Variants in DIP2C observed in about 807,000 individuals in gnomAD.
The protein encoded by DIP2C is DIP2 acetate--CoA ligase C (putative).
A neutral mutation model predicts 192.4 loss-of-function variants in DIP2C; 33 were observed. The ratio of observed to expected loss-of-function variants is 0.17; its 90% CI spans 0.13 to 0.23. The LOEUF is 0.23. Ranked by LOEUF, DIP2C falls within the 10% of genes least tolerant of loss-of-function variation. The probability of loss-of-function intolerance (pLI) is 1.00; values close to 1 mark genes in which losing one functional copy is unlikely to be tolerated. For synonymous variants in DIP2C, 979 were observed against 864.1 expected (o/e 1.13, Z -2.33); for missense variants, 1,537 against 2,110.1 (o/e 0.73, Z 5.32).
chr10:277,215 C>G lies in DIP2C; in HGVS notation c.*110G>C. 6.7e-7 allele frequency: 1 copy of G among 1,500,836 alleles called. No individual in the cohort carries two copies. Among genetic ancestry groups the G allele is most frequent in the Non-Finnish European group, 9.0e-7 (1 of 1,116,210 alleles). The allele number at this position is 1,500,836 out of a possible 1,614,324, so 93.0% of individuals were successfully genotyped here. A position where few individuals can be genotyped will look rare whatever the true frequency, so the allele number is the denominator to read the frequency against. On this transcript the variant is annotated 3_prime_UTR_variant, in exon 37 of 37. Transcript: ENST00000280886. Reference sequence around the variant, plus strand: ...TCCTCCTCTTCCTCCTCCACTCTCACCACAAATGGCTGTATTCTGGTGAGT... The same window carrying G: ...TCCTCCTCTTCCTCCTCCACTCTCAGCACAAATGGCTGTATTCTGGTGAGT...
At chr10:416,474 C>A (rs558110520) in intron 6 of DIP2C, among the ~76,000 whole-genome samples, 2 of 152,144 alleles carry the variant, frequency 1.3e-5, no homozygotes, top group Non-Finnish European at 2.9e-5. Context: ...GCTCCTCACA[C>A]GCGTTCCAAA....
intron 1 of DIP2C, among the ~76,000 whole-genome samples, chr10:558,041 TAAG>T (rs557804211): frequency 1.2e-3 from 185 of 152,086 alleles, no homozygotes; most frequent in African/African-American, 3.4e-3. Context: ...ATAAAATGCT[TAAG>T]AAGAGTAAGC....
At chr10:588,289 C>CA (rs764477956) in intron 1 of DIP2C, among the ~76,000 whole-genome samples, 235 of 152,370 alleles carry the variant, frequency 1.5e-3, no homozygotes, top group Non-Finnish European at 2.5e-3. Flanking sequence ...CCCACATCCA[C>CA]ACCAGCCACA....
intron 13 of DIP2C, among the ~76,000 whole-genome samples, chr10:389,532 T>A (rs572986188): frequency 3.3e-5 from 5 of 152,198 alleles, no homozygotes; most frequent in African/African-American, 1.2e-4. Context: ...ACTAAAGATA[T>A]GCTCATGTGC....
At chr10:373,657 G>T (rs190073468) in intron 17 of DIP2C, among the ~76,000 whole-genome samples, 1 of 152,124 alleles carries the variant, frequency 6.6e-6, no homozygotes, top group Non-Finnish European at 1.5e-5. Context: ...AAAATCCCTC[G>T]TGGCTTGGAT....
intron 29 of DIP2C, among the ~76,000 whole-genome samples, chr10:337,130 C>CTG (rs138944577): frequency 0.78 from 64,251 of 82,830 alleles, 26,441 homozygotes; most frequent in Non-Finnish European, 0.85. Flanking sequence ...GCCTAGGCAG[C>CTG]TGTGTGTGTG....
intron 1 of DIP2C, among the ~76,000 whole-genome samples, chr10:597,656 C>A (rs984892394): frequency 3.9e-5 from 6 of 152,248 alleles, no homozygotes; most frequent in African/African-American, 1.4e-4. Flanking sequence ...TCATGATTTG[C>A]TCTTAATACG....
At chr10:646,312 C>T (rs891706478) in intron 1 of DIP2C, among the ~76,000 whole-genome samples, 1 of 152,082 alleles carries the variant, frequency 6.6e-6, no homozygotes, top group African/African-American at 2.4e-5. Context: ...TGTCCAGCCT[C>T]CCCCAGGCTC....
intron 2 of DIP2C, among the ~76,000 whole-genome samples, chr10:479,370 T>A (rs1843418501): frequency 6.7e-6 from 1 of 149,348 alleles, no homozygotes; most frequent in Admixed American, 6.7e-5. Context: ...AGTCTTGTTC[T>A]GTTGCCAGGC....
chr10:450,947 A>G (rs529952806), intron 3 of DIP2C, among the ~76,000 whole-genome samples: 2 of 152,282 alleles, frequency 1.3e-5, no homozygotes, highest in East Asian at 1.9e-4. Context: ...ACATGTATGT[A>G]TATGTCCATA....
intron 4 of DIP2C, chr10:430,580 GTTATCAT>G (rs1436841483): frequency 6.6e-6 from 1 of 152,178 alleles, no homozygotes; most frequent in African/African-American, 2.4e-5. Context: ...TCAAATAAAA[GTTATCAT>G]TTATGTCTTT....
At chr10:585,020 C>G (rs548710180) in intron 1 of DIP2C, among the ~76,000 whole-genome samples, 1 of 151,434 alleles carries the variant, frequency 6.6e-6, no homozygotes, top group South Asian at 2.1e-4. Context: ...GCAACCTGGC[C>G]CCCACTCACG....
chr10:673,222 A>T (rs1830731107), intron 1 of DIP2C, among the ~76,000 whole-genome samples: 1 of 152,212 alleles, frequency 6.6e-6, no homozygotes, highest in Admixed American at 6.5e-5. Flanking sequence ...GCCAGCCTTT[A>T]GAGGCCACGT....
chr10:670,297 C>T (rs1830564639), intron 1 of DIP2C, among the ~76,000 whole-genome samples: 5 of 152,172 alleles, frequency 3.3e-5, no homozygotes, highest in African/African-American at 1.2e-4. Context: ...CACATGCACA[C>T]ACATACGCAC....
At chr10:370,775 C>T (rs1336334037) in intron 17 of DIP2C, among the ~76,000 whole-genome samples, 1 of 152,128 alleles carries the variant, frequency 6.6e-6, no homozygotes. Context: ...GACCTAAAAG[C>T]TGGACTATAA....
intron 17 of DIP2C, chr10:369,848 C>G: frequency 1.5e-6 from 2 of 1,338,324 alleles, no homozygotes; most frequent in South Asian, 2.9e-5. Context: ...TCTACATTCC[C>G]AGGGAATCCC....
At chr10:468,726 G>A (rs549571163) in intron 3 of DIP2C, among the ~76,000 whole-genome samples, 6 of 152,148 alleles carry the variant, frequency 3.9e-5, no homozygotes, top group African/African-American at 1.2e-4. Flanking sequence ...ACACCACAGA[G>A]ATCACACCAT....
intron 24 of DIP2C, among the ~76,000 whole-genome samples, chr10:350,601 C>T (rs545610569): frequency 2.7e-5 from 4 of 149,246 alleles, no homozygotes; most frequent in Non-Finnish European, 5.9e-5. Flanking sequence ...GACTGCAGAG[C>T]CGAAGAGTGA....
chr10:448,183 G>C (rs1472701644), intron 3 of DIP2C, among the ~76,000 whole-genome samples: 1 of 125,714 alleles, frequency 8.0e-6, no homozygotes. Context: ...CGATACTCAG[G>C]ATCACACACA....
Sources: allele counts gnomAD v4.1 joint callset (sites outside exome capture counted in the v4.1 genomes callset), GRCh38; gene constraint gnomAD v4.1.1; transcripts MANE v1.5; gene names NCBI Gene and HGNC (gene_info 2026-07-23, HGNC 2026-07-21).